The following DENND5B variants were observed in gnomAD, a reference collection of about 807,000 sequenced individuals.
The protein encoded by DENND5B is DENN domain-containing protein 5B.
A neutral mutation model predicts 140.6 loss-of-function variants in DENND5B; 34 were observed. The ratio of observed to expected loss-of-function variants is 0.24; its 90% CI spans 0.18 to 0.32. The LOEUF (loss-of-function observed/expected upper bound fraction) is 0.32. Among genes scored for constraint, DENND5B ranks in the 10% least tolerant of loss-of-function variants. The pLI is 1.00. For synonymous variants in DENND5B, 551 were observed against 562.1 expected, an observed-to-expected ratio of 0.98 and a Z score of 0.28; for missense variants, 1,142 against 1,560.2, an observed-to-expected ratio of 0.73 and a Z score of 4.52.
chr12:31,513,417 G>A (rs1433174144), intron 1 of DENND5B, among the ~76,000 whole-genome samples: 7 of 152,162 alleles, frequency 4.6e-5, no homozygotes, highest in Non-Finnish European at 1.0e-4. Flanking sequence ...TGAGGGTAAA[G>A]TACGTATCTA....
chr12:31,539,446 A>G (rs1451345040), intron 1 of DENND5B, among the ~76,000 whole-genome samples: 1 of 152,210 alleles, frequency 6.6e-6, no homozygotes, highest in Non-Finnish European at 1.5e-5. Context: ...ACAGACCAAT[A>G]TCACTGATGA....
At chr12:31,449,749 T>TTTTTTTTG (rs398019094) in intron 5 of DENND5B, among the ~76,000 whole-genome samples, 2 of 150,400 alleles carry the variant, frequency 1.3e-5, no homozygotes, top group Non-Finnish European at 3.0e-5. Context: ...TTTTTTTTTT[T>TTTTTTTTG]GAGACAGAGT....
chr12:31,446,139 G>T (rs543049702), intron 6 of DENND5B, among the ~76,000 whole-genome samples: 2 of 152,164 alleles, frequency 1.3e-5, no homozygotes, highest in East Asian at 3.9e-4. Context: ...CTAAGACTCA[G>T]ATTTAACTGC....
intron 15 of DENND5B, among the ~76,000 whole-genome samples, chr12:31,401,247 G>C (rs1396833018): frequency 6.6e-6 from 1 of 152,218 alleles, no homozygotes; most frequent in Admixed American, 6.5e-5. Flanking sequence ...GTGCAGCAGA[G>C]ATGGAAAGAA....
intron 1 of DENND5B, among the ~76,000 whole-genome samples, chr12:31,506,816 CCTT>C (rs758803546): frequency 6.6e-6 from 1 of 152,172 alleles, no homozygotes; most frequent in Admixed American, 6.5e-5. Context: ...AGTTTCCATG[CCTT>C]CTTCTTGTGG....
At chr12:31,468,552 A>T (rs1276727039) in intron 3 of DENND5B, among the ~76,000 whole-genome samples, 2 of 152,136 alleles carry the variant, frequency 1.3e-5, no homozygotes, top group Non-Finnish European at 2.9e-5. Context: ...CATACCTGTG[A>T]TCCCAGCACT....
chr12:31,548,101 T>A (rs568776186), intron 1 of DENND5B, among the ~76,000 whole-genome samples: 4 of 152,234 alleles, frequency 2.6e-5, no homozygotes, highest in African/African-American at 9.6e-5. Context: ...ATAGTTCACA[T>A]TAGAATCCAG....
At chr12:31,414,780 T>C (rs1296519690) in intron 12 of DENND5B, among the ~76,000 whole-genome samples, 1 of 151,916 alleles carries the variant, frequency 6.6e-6, no homozygotes, top group Non-Finnish European at 1.5e-5. Context: ...ATACAAAAAA[T>C]TCGCCAGGAA....
At chr12:31,556,828 T>C (rs546269099) in intron 1 of DENND5B, among the ~76,000 whole-genome samples, 13 of 152,172 alleles carry the variant, frequency 8.5e-5, no homozygotes, top group Non-Finnish European at 1.5e-4. Flanking sequence ...GATGAGTAAA[T>C]TGGCAATATG....
chr12:31,424,698 C>T lies in DENND5B; in HGVS notation c.2239-11G>A. ...CAACATGCGCTTTGTCTAAGAATAT[C>T]ACGTGTAGTCATAAGGCACCCCAGC... On this transcript the variant is annotated splice_polypyrimidine_tract_variant and intron_variant, in intron 9 of 20. Transcript: ENST00000389082. The T allele has an allele frequency of 6.2e-7, 1 of 1,613,302 alleles. No individual in the cohort carries two copies. The highest frequency in any genetic ancestry group is 1.3e-5 in the African/African-American group (1 of 75,012).
intron 1 of DENND5B, among the ~76,000 whole-genome samples, chr12:31,529,668 T>C (rs1356055596): frequency 1.3e-5 from 2 of 151,238 alleles, no homozygotes; most frequent in Non-Finnish European, 3.0e-5. Context: ...CTACCAAAAA[T>C]ACAAAAATTG....
At chr12:31,425,562 T>A (rs950536244) in intron 9 of DENND5B, among the ~76,000 whole-genome samples, 1 of 152,180 alleles carries the variant, frequency 6.6e-6, no homozygotes, top group Admixed American at 6.6e-5. Flanking sequence ...TCATCAAGCA[T>A]GCACCAAAAA....
At chr12:31,463,659 C>T (rs1412526509) in intron 3 of DENND5B, among the ~76,000 whole-genome samples, 1 of 152,016 alleles carries the variant, frequency 6.6e-6, no homozygotes, top group Non-Finnish European at 1.5e-5. Context: ...GTACCACACA[C>T]ATTATTAATT....
At chr12:31,407,603 A>G (rs1407401889) in intron 14 of DENND5B, among the ~76,000 whole-genome samples, 1 of 152,136 alleles carries the variant, frequency 6.6e-6, no homozygotes, top group Non-Finnish European at 1.5e-5. Flanking sequence ...TGGCCAGTGA[A>G]ATGTTAGTGA....
chr12:31,460,750 G>C (rs924170480), intron 3 of DENND5B, among the ~76,000 whole-genome samples: 1 of 152,132 alleles, frequency 6.6e-6, no homozygotes, highest in African/African-American at 2.4e-5. Context: ...TTTTGAGATG[G>C]AGTCTCGCTT....
chr12:31,473,775 G>A (rs1945664679), intron 3 of DENND5B, among the ~76,000 whole-genome samples: 1 of 152,130 alleles, frequency 6.6e-6, no homozygotes, highest in South Asian at 2.1e-4. Context: ...CACTCTAATG[G>A]GAGAGGACAG....
chr12:31,563,932 T>C (rs961963908), intron 1 of DENND5B, among the ~76,000 whole-genome samples: 1 of 152,004 alleles, frequency 6.6e-6, no homozygotes, highest in African/African-American at 2.4e-5. Flanking sequence ...GCCTGGCCAA[T>C]GTGGTGAAAC....
intron 7 of DENND5B, among the ~76,000 whole-genome samples, chr12:31,440,611 C>T (rs1593171808): frequency 6.6e-6 from 1 of 152,284 alleles, no homozygotes; most frequent in East Asian, 1.9e-4. Context: ...CTAGTACTGC[C>T]TTCATTAAAG....
chr12:31,402,547 T>A lies in DENND5B; in HGVS notation c.2900A>T (p.Asp967Val), dbSNP rs775839536. The change falls in exon 15 of 21, where the codon GAC becomes GTC. Residue 967 changes from aspartate (D) to valine (V), a missense_variant. Coordinates refer to ENST00000389082, the MANE Select transcript of DENND5B (RefSeq NM_144973.4). ...PWICVSGELG[D>V]TGVMQIPKNL... is the part of the protein sequence containing the mutation. ...TTTGGGAATCTGCATTACTCCTGTG[T>A]CTCCCAGCTCTCCTGATACACAGAT... is the stretch of plus-strand genomic sequence containing the variant. 6.2e-7 allele frequency: 1 copy of A among 1,613,808 alleles called. No homozygotes were observed. Among genetic ancestry groups the A allele is most frequent in the South Asian group, 1.1e-5 (1 of 91,040 alleles).
Sources: allele counts gnomAD v4.1 joint callset (sites outside exome capture counted in the v4.1 genomes callset), GRCh38; gene constraint gnomAD v4.1.1; transcripts MANE v1.5; gene names NCBI Gene and HGNC (gene_info 2026-07-23, HGNC 2026-07-21).